SCARB1: variants seen among roughly 807,000 people sequenced by gnomAD.
The protein encoded by SCARB1 is scavenger receptor class B member 1.
SCARB1 carries 30 observed loss-of-function variants against 57.2 expected under a neutral mutation model. That is an observed-to-expected ratio of 0.52 (90% CI 0.39 to 0.71). The LOEUF (loss-of-function observed/expected upper bound fraction) is 0.71, where lower values mean the gene tolerates loss of function less well. Ranked by LOEUF, SCARB1 falls within the 30% of genes least tolerant of loss-of-function variation. The pLI is 0.00. For synonymous variants in SCARB1, 249 were observed against 268.3 expected (o/e 0.93, Z 0.70); for missense variants, 543 against 671.2 (o/e 0.81, Z 2.11).
intron 8 of SCARB1, among the ~76,000 whole-genome samples, chr12:124,798,898 G>A (rs570738715): frequency 1.3e-5 from 2 of 152,138 alleles, no homozygotes; most frequent in South Asian, 4.2e-4. Flanking sequence ...TAGAATACTG[G>A]CTACCAGGGG....
Position 124,814,125 on chromosome 12 carries a change from T to A in SCARB1, c.630+77A>T, listed in dbSNP as rs975218856. The stretch of plus-strand genomic sequence containing the variant: ...CCCAGCCAGCTACAAAGCAAGCTGG[T>A]GACCAGTGTCCAGGCTGTGTGAGGG... On this transcript the variant is annotated intron_variant, in intron 4 of 12. Transcript: ENST00000261693. The surrounding 1 kb of genome is among the most constrained non-coding windows in gnomAD (Gnocchi z 4.7). The A allele has an allele frequency of 2.2e-5, 30 of 1,370,940 alleles. No individual in the cohort carries two copies. The Admixed American group carries it at 5.0e-4, about 23-fold the overall frequency. The allele number at this position is 1,370,940 out of a possible 1,614,324, so 84.9% of individuals were successfully genotyped here.
intron 1 of SCARB1, among the ~76,000 whole-genome samples, chr12:124,828,040 C>A (rs1951234879): frequency 6.6e-6 from 1 of 152,024 alleles, no homozygotes; most frequent in African/African-American, 2.4e-5. Flanking sequence ...AGACCTGAAA[C>A]CATATAATCA....
chr12:124,840,894 C>T (rs1214273831), intron 1 of SCARB1, among the ~76,000 whole-genome samples: 2 of 152,228 alleles, frequency 1.3e-5, no homozygotes, highest in Non-Finnish European at 2.9e-5. Context: ...TCAGGCTGGG[C>T]GTGGTGGCTC....
Position 124,807,656 on chromosome 12 carries a change from GAGTAC to G in SCARB1, c.1009+100_1009+104del. The G allele has an allele frequency of 9.1e-7, 1 of 1,095,726 alleles. No individual in the cohort carries two copies. The highest frequency in any genetic ancestry group is 1.3e-6 in the Non-Finnish European group (1 of 740,992). 67.9% of individuals were successfully genotyped at this position (1,095,726 alleles called of 1,614,324 possible). A position where few individuals can be genotyped will look rare whatever the true frequency, so the allele number is the denominator to read the frequency against. On this transcript the variant is annotated intron_variant, in intron 7 of 12. Transcript: ENST00000261693. This position sits in a 1 kb window ranked among gnomAD's most constrained non-coding sequence, Gnocchi z 5.3. ...TATCTTCGCCTAATGGGATTATCAA[GAGTAC>G]AGAGGCCAGAGATTAAGCAGACAGC...
intron 1 of SCARB1, among the ~76,000 whole-genome samples, chr12:124,855,588 T>C (rs1185374896): frequency 6.6e-6 from 1 of 152,218 alleles, no homozygotes; most frequent in Non-Finnish European, 1.5e-5. Context: ...GATTCTCTTT[T>C]TGTTTTGCGT....
chr12:124,786,718 A>G (rs1167044356), intron 10 of SCARB1, among the ~76,000 whole-genome samples: 3 of 152,244 alleles, frequency 2.0e-5, no homozygotes, highest in Non-Finnish European at 4.4e-5. Flanking sequence ...GGGCAGGGCC[A>G]TATGATCGTG....
rs567646170 is a variant in SCARB1, at chr12:124,814,855, C to A, written c.426+118G>T. On this transcript the variant is annotated intron_variant, in intron 3 of 12. Coordinates refer to ENST00000261693, the MANE Select transcript of SCARB1 (RefSeq NM_005505.5). This position sits in a 1 kb window ranked among gnomAD's most constrained non-coding sequence, Gnocchi z 4.7. Reference sequence around the variant, plus strand: ...ACAGGGCCGAAAGCCACCCACCAGGCGTGAGTCCCCACGCTCCGACCACCT... The same window carrying A: ...ACAGGGCCGAAAGCCACCCACCAGGAGTGAGTCCCCACGCTCCGACCACCT... 6.0e-6 allele frequency: 8 copies of A among 1,330,342 alleles called. No homozygotes were observed. The highest frequency in any genetic ancestry group is 8.4e-6 in the Non-Finnish European group (8 of 948,986). The allele number at this position is 1,330,342 out of a possible 1,614,324, so 82.4% of individuals were successfully genotyped here.
At chr12:124,798,992 C>T (rs999941344) in intron 8 of SCARB1, among the ~76,000 whole-genome samples, 2 of 152,102 alleles carry the variant, frequency 1.3e-5, no homozygotes, top group African/African-American at 4.8e-5. Context: ...GGAAATAGAG[C>T]AACAGTCACT....
At chr12:124,809,066 A>C (rs1381010642) in intron 6 of SCARB1, among the ~76,000 whole-genome samples, 1 of 152,202 alleles carries the variant, frequency 6.6e-6, no homozygotes, top group Non-Finnish European at 1.5e-5. Flanking sequence ...TTTTGATAAC[A>C]GCATTATGGT....
At chr12:124,854,356 A>C (rs1173045910) in intron 1 of SCARB1, among the ~76,000 whole-genome samples, 1 of 152,218 alleles carries the variant, frequency 6.6e-6, no homozygotes, top group African/African-American at 2.4e-5. Flanking sequence ...GTCGCCAGAA[A>C]AGTGGCAGGG....
At chr12:124,781,321 G>A (rs1180002375) in intron 12 of SCARB1, among the ~76,000 whole-genome samples, 2 of 152,186 alleles carry the variant, frequency 1.3e-5, no homozygotes, top group African/African-American at 4.8e-5. Context: ...CCCACAATGT[G>A]GCTCCCTGGA....
chr12:124,810,731 T>G lies in SCARB1; in HGVS notation c.727-442A>C, dbSNP rs570925834. Among the ~76,000 whole-genome samples, 2 of 152,204 alleles carry G rather than the reference T, an allele frequency of 1.3e-5. No individual in the cohort carries two copies. Among genetic ancestry groups the G allele is most frequent in the Non-Finnish European group, 2.9e-5 (2 of 68,028 alleles). ...AACCCCAAAACAGAACCTGTCAGGT[T>G]AACTGACTCTGGGGAGCGAGACCCA... On this transcript the variant is annotated intron_variant, in intron 5 of 12. Coordinates refer to ENST00000261693, the MANE Select transcript of SCARB1 (RefSeq NM_005505.5). This position sits in a 1 kb window ranked among gnomAD's most constrained non-coding sequence, Gnocchi z 4.0.
At chr12:124,819,300 C>T (rs140124345) in intron 1 of SCARB1, among the ~76,000 whole-genome samples, 144 of 152,278 alleles carry the variant, frequency 9.5e-4, no homozygotes, top group African/African-American at 3.3e-3. Context: ...GGTAGGGAGA[C>T]GCTGGGAGAG....
intron 7 of SCARB1, among the ~76,000 whole-genome samples, chr12:124,805,922 A>G (rs1950307312): frequency 6.6e-6 from 1 of 152,044 alleles, no homozygotes; most frequent in Admixed American, 6.6e-5. Flanking sequence ...AGAACTTCCT[A>G]TGATGATGGA....
At chr12:124,821,534 C>T in intron 1 of SCARB1, 2 of 985,382 alleles carry the variant, frequency 2.0e-6, no homozygotes, top group Non-Finnish European at 2.4e-6. Context: ...TGGGTTTCAG[C>T]CCATTCATTC....
Position 124,814,556 on chromosome 12 carries a change from C to A in SCARB1, c.427-151G>T. ...GTGGCCACGTGGGGCATCTGGGACA[C>A]CAGAACCACCCTCTGCTCCTCCAGT... On this transcript the variant is annotated intron_variant, in intron 3 of 12. Coordinates refer to ENST00000261693, the MANE Select transcript of SCARB1 (RefSeq NM_005505.5). This position sits in a 1 kb window ranked among gnomAD's most constrained non-coding sequence, Gnocchi z 4.7. 1.3e-6 allele frequency: 1 copy of A among 776,480 alleles called. No homozygotes were observed. Among genetic ancestry groups the A allele is most frequent in the Non-Finnish European group, 2.2e-6 (1 of 450,944 alleles). The allele number at this position is 776,480 out of a possible 1,614,324, so 48.1% of individuals were successfully genotyped here.
At position 124,811,896 on chromosome 12, in the gene SCARB1, C is replaced by A. The variant is rs144358906; in HGVS notation, c.700G>T (p.Val234Leu). Residue 234 changes from valine (V) to leucine (L), a missense_variant, in exon 5 of 13, where the codon GTG becomes TTG. Physicochemically the swap from Val to Leu is conservative, Grantham distance 32. Coordinates refer to ENST00000261693, the MANE Select transcript of SCARB1 (RefSeq NM_005505.5). ...GVQNISRIHL[V>L]DKWNGLSKVD... ...TTGCTCAGCCCGTTCCACTTGTCCACGAGGTGGATCCTGCTGATGTTCTGG... is the reference window on the plus strand; with the variant it reads ...TTGCTCAGCCCGTTCCACTTGTCCAAGAGGTGGATCCTGCTGATGTTCTGG... The A allele has an allele frequency of 6.2e-7, 1 of 1,613,002 alleles. No homozygotes were observed. The highest frequency in any genetic ancestry group is 1.1e-5 in the South Asian group (1 of 90,696).
rs1293744394 is a variant in SCARB1, at chr12:124,778,318, C to T, written c.*269G>A. On this transcript the variant is annotated 3_prime_UTR_variant, in exon 13 of 13. Coordinates refer to ENST00000261693, the MANE Select transcript of SCARB1 (RefSeq NM_005505.5). ...CTGTGGGCCACGTGGAGAGAAGGTT[C>T]CAGAACAGTGCTTGTTGACGAGCCT... 3 of 794,848 alleles carry T rather than the reference C, an allele frequency of 3.8e-6. No homozygotes were observed. Among genetic ancestry groups the T allele is most frequent in the Non-Finnish European group, 1.7e-6 (1 of 587,422 alleles). 49.2% of individuals were successfully genotyped at this position (794,848 alleles called of 1,614,324 possible).
At chr12:124,794,424 G>A (rs1408017467) in intron 9 of SCARB1, among the ~76,000 whole-genome samples, 1 of 102,704 alleles carries the variant, frequency 9.7e-6, no homozygotes, top group Admixed American at 1.2e-4. Flanking sequence ...TTTTTGAGAC[G>A]GAGTCTTGCT....
Sources: allele counts gnomAD v4.1 joint callset (sites outside exome capture counted in the v4.1 genomes callset), GRCh38; gene constraint gnomAD v4.1.1; non-coding constraint Gnocchi (gnomAD v3.1); transcripts MANE v1.5; gene names NCBI Gene and HGNC (gene_info 2026-07-23, HGNC 2026-07-21).